Variants in RANBP2 observed in about 807,000 individuals in gnomAD.
RANBP2 encodes RAN binding protein 2.
RANBP2 carries 57 observed loss-of-function variants against 303.6 expected under a neutral mutation model. The observed-to-expected ratio is 0.19, with a 90% CI of 0.15 to 0.23. RANBP2 has a LOEUF of 0.23. Ranked by LOEUF, RANBP2 falls within the 10% of genes least tolerant of loss-of-function variation. The pLI, the probability that RANBP2 is intolerant of heterozygous loss-of-function variation, is 1.00. For synonymous variants in RANBP2, 1,167 were observed against 1,301.5 expected (o/e 0.90, Z 2.23); for missense variants, 3,138 against 3,780.8 (o/e 0.83, Z 4.46).
At chr2:109,536,549 C>A in the RANBP2 span, among the ~76,000 whole-genome samples, 1 of 152,182 alleles carries the variant, frequency 6.6e-6, no homozygotes, top group Non-Finnish European at 1.5e-5. Flanking sequence ...TTTACAGGCT[C>A]ATAGGTGGAA....
the RANBP2 span, among the ~76,000 whole-genome samples, chr2:109,566,055 A>G: frequency 6.6e-6 from 1 of 152,126 alleles, no homozygotes; most frequent in African/African-American, 2.4e-5. Flanking sequence ...GGGCCCCATA[A>G]AGAAAAGTAT....
At chr2:109,282,186 T>G in the RANBP2 span, among the ~76,000 whole-genome samples, 1 of 152,146 alleles carries the variant, frequency 6.6e-6, no homozygotes, top group East Asian at 1.9e-4. Context: ...TCTTTTTATC[T>G]TGTTGCCATG....
the RANBP2 span, chr2:109,618,860 T>C: frequency 6.0e-6 from 1 of 167,206 alleles, no homozygotes; most frequent in Non-Finnish European, 1.5e-5. Context: ...GAATATCTGG[T>C]ACTAGTTTTT....
chr2:109,331,168 C>T, the RANBP2 span, among the ~76,000 whole-genome samples: 2 of 152,178 alleles, frequency 1.3e-5, no homozygotes, highest in African/African-American at 2.4e-5. Context: ...ACTTTTGGAT[C>T]TGTTCCCTGG....
the RANBP2 span, among the ~76,000 whole-genome samples, chr2:108,998,772 T>C: frequency 6.6e-6 from 1 of 152,102 alleles, no homozygotes; most frequent in African/African-American, 2.4e-5. Context: ...AAGTAACATC[T>C]TCCCATTTTT....
chr2:109,444,556 A>G, the RANBP2 span, among the ~76,000 whole-genome samples: 2 of 152,192 alleles, frequency 1.3e-5, no homozygotes, highest in African/African-American at 4.8e-5. Flanking sequence ...CTGGGGTGTG[A>G]GAGAAAGAAG....
chr2:109,731,967 G>T, the RANBP2 span, among the ~76,000 whole-genome samples: 4 of 151,880 alleles, frequency 2.6e-5, no homozygotes, highest in East Asian at 7.8e-4. Flanking sequence ...TCCCACCTTG[G>T]CTTCCCAAGT....
chr2:109,665,787 A>T, the RANBP2 span: 1 of 152,210 alleles, frequency 6.6e-6, no homozygotes, highest in African/African-American at 2.4e-5. Flanking sequence ...AGAATCATGG[A>T]TGTCAAATAT....
At chr2:109,703,828 A>G in the RANBP2 span, among the ~76,000 whole-genome samples, 1 of 152,222 alleles carries the variant, frequency 6.6e-6, no homozygotes, top group Non-Finnish European at 1.5e-5. Flanking sequence ...ATATTCCTAA[A>G]ACACCACTTT....
At chr2:109,630,773 T>C in the RANBP2 span, among the ~76,000 whole-genome samples, 6 of 152,272 alleles carry the variant, frequency 3.9e-5, no homozygotes, top group Middle Eastern at 3.4e-3. Flanking sequence ...ATAGAAAGTT[T>C]TCAAGATTGA....
chr2:109,695,044 T>A, the RANBP2 span, among the ~76,000 whole-genome samples: 2 of 152,182 alleles, frequency 1.3e-5, no homozygotes, highest in African/African-American at 4.8e-5. Context: ...GATCTCTGAT[T>A]CTATCTCCTC....
chr2:109,568,119 G>A, the RANBP2 span: 269 of 626,340 alleles, frequency 4.3e-4, no homozygotes, highest in African/African-American at 3.9e-3. Context: ...GGTCCATCTC[G>A]CTGTTGATCT....
At chr2:108,831,821 C>T in the RANBP2 span, among the ~76,000 whole-genome samples, 2 of 152,046 alleles carry the variant, frequency 1.3e-5, no homozygotes, top group Admixed American at 6.6e-5. Flanking sequence ...CAACTACTGC[C>T]TCCTGGGTTC....
the RANBP2 span, among the ~76,000 whole-genome samples, chr2:108,934,114 A>G: frequency 6.6e-6 from 1 of 152,192 alleles, no homozygotes; most frequent in East Asian, 1.9e-4. Context: ...GAAAGGCGCA[A>G]TTAAAACGTT....
chr2:109,616,734 C>T, the RANBP2 span: 1 of 167,070 alleles, frequency 6.0e-6, no homozygotes, highest in Non-Finnish European at 1.5e-5. Context: ...AGGCAACATT[C>T]ACTTCTGTAG....
chr2:108,777,432 A>G (rs1172777183), intron 25 of RANBP2, among the ~76,000 whole-genome samples: 1 of 152,098 alleles, frequency 6.6e-6, no homozygotes, highest in African/African-American at 2.4e-5. Context: ...TCTTAATTTT[A>G]TATAAGCCAT....
At chr2:109,500,244 G>A in the RANBP2 span, among the ~76,000 whole-genome samples, 1 of 152,192 alleles carries the variant, frequency 6.6e-6, no homozygotes, top group Admixed American at 6.5e-5. Flanking sequence ...GTGAGGCCCA[G>A]CCAAGAAGAG....
At chr2:109,380,440 G>A in the RANBP2 span, among the ~76,000 whole-genome samples, 1 of 152,178 alleles carries the variant, frequency 6.6e-6, no homozygotes, top group Admixed American at 6.5e-5. Context: ...TTGGGTTGTG[G>A]TTCAGTGTTT....
At position 108,768,144 on chromosome 2, in the gene RANBP2, C is replaced by T. The variant is rs535331371; in HGVS notation, c.7605C>T (p.Phe2535=). ...GTGAAAAATCAAAACCATTTGCATTCGGCAACAGTTCAGCCACTGGGTCTT... is the reference window on the plus strand; with the variant it reads ...GTGAAAAATCAAAACCATTTGCATTTGGCAACAGTTCAGCCACTGGGTCTT... ...FSSEKSKPFA[F]GNSSATGSLF... is the part of the protein sequence containing the mutation. The change falls in exon 20 of 29, where the codon TTC becomes TTT. Residue 2535 remains phenylalanine (F), a synonymous_variant. Transcript: ENST00000283195. 126 of 1,611,960 alleles carry T rather than the reference C, an allele frequency of 7.8e-5. No homozygotes were observed. Among genetic ancestry groups the T allele is most frequent in the Middle Eastern group, 2.3e-4 (1 of 4,430 alleles).
Sources: gnomAD v4.1 joint callset for allele counts (sites outside exome capture counted in the v4.1 genomes callset) on GRCh38, gnomAD v4.1.1 for gene constraint, MANE v1.5 for transcripts, NCBI Gene and HGNC (gene_info 2026-07-23, HGNC 2026-07-21) for gene names.